The following ABLIM2 variants were observed in gnomAD, a reference collection of about 807,000 sequenced individuals.
ABLIM2 encodes actin binding LIM protein family member 2, also known as actin-binding LIM protein 2.
ABLIM2 carries 53 observed loss-of-function variants against 97.7 expected under a neutral mutation model. The ratio of observed to expected loss-of-function variants is 0.54; its 90% CI spans 0.44 to 0.68. The LOEUF (loss-of-function observed/expected upper bound fraction) is 0.68, where lower values mean the gene tolerates loss of function less well. Ranked by LOEUF, ABLIM2 falls within the 30% of genes least tolerant of loss-of-function variation. The probability of loss-of-function intolerance (pLI) is 0.00; values close to 1 mark genes in which losing one functional copy is unlikely to be tolerated. For synonymous variants in ABLIM2, 361 were observed against 345.8 expected, an observed-to-expected ratio of 1.04 and a Z score of -0.49; for missense variants, 835 against 867.2, an observed-to-expected ratio of 0.96 and a Z score of 0.47.
rs1435511677 is a variant in ABLIM2 at position 8,044,046 on chromosome 4, C to T, written c.900+1118G>A. Reference sequence around the variant, plus strand: ...ATGGTAACTGAGGACTCGTGCACCCCTCAGTGGCACTGTCAGGATTAAGGT... The same window carrying T: ...ATGGTAACTGAGGACTCGTGCACCCTTCAGTGGCACTGTCAGGATTAAGGT... On this transcript the variant is annotated intron_variant, in intron 9 of 20. Transcript: ENST00000447017. The surrounding 1 kb of genome is among the most constrained non-coding windows in gnomAD (Gnocchi z 4.4). Among the ~76,000 whole-genome samples the T allele has an allele frequency of 6.6e-6, 1 of 152,220 alleles. No individual in the cohort carries two copies. Among genetic ancestry groups the T allele is most frequent in the Admixed American group, 6.5e-5 (1 of 15,290 alleles).
chr4:7,966,810 ACTACCGGC>A lies in ABLIM2; in HGVS notation c.*172_*179del. On this transcript the variant is annotated 3_prime_UTR_variant, in exon 21 of 21. Transcript: ENST00000447017. ...GTGAAGCTAGCCGTCTCGGCCCTAA[ACTACCGGC>A]AGGAGTGTCGCCGGCAGGTGCAGGG... The A allele has an allele frequency of 1.7e-6, 1 of 580,566 alleles. No homozygotes were observed. Among genetic ancestry groups the A allele is most frequent in the South Asian group, 2.2e-5 (1 of 45,376 alleles). The allele number at this position is 580,566 out of a possible 1,614,324, so 36.0% of individuals were successfully genotyped here.
chr4:8,080,899 G>T (rs950356594), intron 4 of ABLIM2, 97 bp from the exon 5 acceptor site: 82 of 1,460,164 alleles, frequency 5.6e-5, no homozygotes, highest in Non-Finnish European at 7.5e-5. Context: ...CCCTGGGGCA[G>T]CCGGGAGGGG....
chr4:8,158,701 C>T lies in ABLIM2; in HGVS notation c.-12G>A, dbSNP rs1163040392. The T allele has an allele frequency of 3.5e-5, 51 of 1,459,294 alleles. No individual in the cohort carries two copies. The highest frequency in any genetic ancestry group is 4.4e-5 in the Non-Finnish European group (49 of 1,107,420). 90.4% of individuals were successfully genotyped at this position (1,459,294 alleles called of 1,614,324 possible). A position where few individuals can be genotyped will look rare whatever the true frequency, so the allele number is the denominator to read the frequency against. The stretch of plus-strand genomic sequence containing the variant: ...CCACCTGCACTCATCTCAGCAGCCG[C>T]TCGGAGTCGGGGCGGCCCGGCGCTG... On this transcript the variant is annotated 5_prime_UTR_variant, in exon 1 of 21. Coordinates refer to ENST00000447017, the MANE Select transcript of ABLIM2 (RefSeq NM_001130083.2).
At chr4:8,154,178 G>T (rs1412872714) in intron 1 of ABLIM2, among the ~76,000 whole-genome samples, 2 of 151,364 alleles carry the variant, frequency 1.3e-5, no homozygotes, top group Non-Finnish European at 2.9e-5. Flanking sequence ...TAGCCAGGAT[G>T]GTCTCCATCT....
intron 9 of ABLIM2, among the ~76,000 whole-genome samples, chr4:8,037,536 GCTCA>G: frequency 6.6e-6 from 1 of 151,372 alleles, no homozygotes; most frequent in Non-Finnish European, 1.5e-5. Context: ...CAGGCCCATG[GCTCA>G]CTCACACACA....
At position 8,082,065 on chromosome 4, in the gene ABLIM2, T is replaced by A. The variant is rs1436275401; in HGVS notation, c.455-1263A>T. Among the ~76,000 whole-genome samples the A allele has an allele frequency of 6.6e-6, 1 of 152,072 alleles. No individual in the cohort carries two copies. The highest frequency in any genetic ancestry group is 1.5e-5 in the Non-Finnish European group (1 of 68,000). On this transcript the variant is annotated intron_variant, in intron 4 of 20. Transcript: ENST00000447017. The surrounding 1 kb of genome is among the most constrained non-coding windows in gnomAD (Gnocchi z 5.6). ...TGTGTTTAAGGGTGTGGTTGTGTGT[T>A]GGGGGCATGACAAGGGAAGGGCCTC...
intron 2 of ABLIM2, 77 bp from the exon 3 acceptor site, chr4:8,097,359 C>A (rs1370074672): frequency 2.0e-6 from 3 of 1,490,666 alleles, no homozygotes; most frequent in African/African-American, 1.4e-5. Context: ...GGTGCACCCC[C>A]CTCCACACAC....
chr4:8,106,420 G>A, intron 2 of ABLIM2, 74 bp downstream of exon 2: 20 of 1,546,632 alleles, frequency 1.3e-5, no homozygotes, highest in Non-Finnish European at 1.7e-5. Flanking sequence ...TTCCCAGGAG[G>A]CTTTGCGGGC....
chr4:8,019,069 C>T lies in ABLIM2; in HGVS notation c.1423+549G>A, dbSNP rs1180161610. ...AGCTGCTCCCTGCGCACCTCCCAGG[C>T]AGGTTCACGTGGAGCAGAGCTGGGC... On this transcript the variant is annotated intron_variant, in intron 14 of 20. Coordinates refer to ENST00000447017, the MANE Select transcript of ABLIM2 (RefSeq NM_001130083.2). The surrounding 1 kb of genome is among the most constrained non-coding windows in gnomAD (Gnocchi z 4.3). Among the ~76,000 whole-genome samples, 2 of 152,194 alleles carry T rather than the reference C, an allele frequency of 1.3e-5. No individual in the cohort carries two copies. Among genetic ancestry groups the T allele is most frequent in the South Asian group, 2.1e-4 (1 of 4,828 alleles).
chr4:7,973,371 C>T (rs1169785241), intron 20 of ABLIM2, among the ~76,000 whole-genome samples: 5 of 150,988 alleles, frequency 3.3e-5, no homozygotes, highest in Admixed American at 2.6e-4. Flanking sequence ...CGTGGTGGTA[C>T]ATGCCTGTAG....
At chr4:8,151,894 AG>A (rs1712971959) in intron 1 of ABLIM2, among the ~76,000 whole-genome samples, 1 of 150,062 alleles carries the variant, frequency 6.7e-6, no homozygotes, top group South Asian at 2.1e-4. Flanking sequence ...TCAGGGTTCC[AG>A]GGGGGCACAT....
chr4:8,006,117 G>T (rs556817283), intron 16 of ABLIM2, among the ~76,000 whole-genome samples: 2 of 152,222 alleles, frequency 1.3e-5, no homozygotes, highest in Non-Finnish European at 2.9e-5. Flanking sequence ...CACCAGGCTC[G>T]TGTTCTCCTG....
chr4:8,128,171 C>T lies in ABLIM2; in HGVS notation c.11-21534G>A, dbSNP rs1403226095. Among the ~76,000 whole-genome samples the T allele has an allele frequency of 2.0e-5, 3 of 152,186 alleles. No homozygotes were observed. The highest frequency in any genetic ancestry group is 7.2e-5 in the African/African-American group (3 of 41,446). ...GCTCCTGTTTCTGCCCCCACCTTCA[C>T]AGGCCGTCTTCCCTGTGTGTCTCTG... On this transcript the variant is annotated intron_variant, in intron 1 of 20. Coordinates refer to ENST00000447017, the MANE Select transcript of ABLIM2 (RefSeq NM_001130083.2). This position sits in a 1 kb window ranked among gnomAD's most constrained non-coding sequence, Gnocchi z 4.9.
At chr4:8,057,640 G>A (rs940152841) in intron 7 of ABLIM2, among the ~76,000 whole-genome samples, 1 of 152,198 alleles carries the variant, frequency 6.6e-6, no homozygotes, top group East Asian at 1.9e-4. Flanking sequence ...GTGGGAAAAA[G>A]GAGTATCTCA....
In ABLIM2 at chr4:8,132,010, C is replaced by T. The variant is rs1326697810; in HGVS notation, c.11-25373G>A. On this transcript the variant is annotated intron_variant, in intron 1 of 20. Coordinates refer to ENST00000447017, the MANE Select transcript of ABLIM2 (RefSeq NM_001130083.2). This position sits in a 1 kb window ranked among gnomAD's most constrained non-coding sequence, Gnocchi z 8.0. The stretch of plus-strand genomic sequence containing the variant: ...CCCGCATCCCCTGCACAGCAGCCCG[C>T]ATCCCCTGCACGGCAGCCTGCATCC... Among the ~76,000 whole-genome samples the T allele has an allele frequency of 1.3e-5, 2 of 152,060 alleles. No individual in the cohort carries two copies. The highest frequency in any genetic ancestry group is 4.8e-5 in the African/African-American group (2 of 41,394).
rs115629752 is a variant in ABLIM2 at position 7,989,919 on chromosome 4, C to T, written c.1680+2947G>A. Among the ~76,000 whole-genome samples, 623 of 152,294 alleles carry T rather than the reference C, an allele frequency of 4.1e-3. 3 individuals carry two copies. The highest frequency in any genetic ancestry group is 0.013 in the African/African-American group (542 of 41,566). Reference sequence around the variant, plus strand: ...GAGAAGCAGCAGGCCTCTGTTGCTCCATTCACTTCAAGGGTAGGTTATGAG... The same window carrying T: ...GAGAAGCAGCAGGCCTCTGTTGCTCTATTCACTTCAAGGGTAGGTTATGAG... On this transcript the variant is annotated intron_variant, in intron 17 of 20. Transcript: ENST00000447017.
intron 7 of ABLIM2, among the ~76,000 whole-genome samples, chr4:8,057,556 G>C (rs1225373368): frequency 6.6e-6 from 1 of 152,166 alleles, no homozygotes; most frequent in African/African-American, 2.4e-5. Flanking sequence ...GCCCCTACTA[G>C]CTGCATAAGA....
At position 8,049,949 on chromosome 4, in the gene ABLIM2, A is replaced by G. The variant is rs1200444984; in HGVS notation, c.822+4239T>C. Among the ~76,000 whole-genome samples, 10 of 152,240 alleles carry G rather than the reference A, an allele frequency of 6.6e-5. No individual in the cohort carries two copies. In the East Asian group the frequency reaches 1.9e-3, roughly 29 times the overall value. ...CACCATGTTGGCCAGGCTGGTCTCG[A>G]ACTCCTGACCTCAAATGATCCACCA... is the stretch of plus-strand genomic sequence containing the variant. On this transcript the variant is annotated intron_variant, in intron 8 of 20. Coordinates refer to ENST00000447017, the MANE Select transcript of ABLIM2 (RefSeq NM_001130083.2).
In ABLIM2 at chr4:8,043,735, G is replaced by A. The variant is rs536705501; in HGVS notation, c.900+1429C>T. Among the ~76,000 whole-genome samples, 118 of 152,318 alleles carry A rather than the reference G, an allele frequency of 7.7e-4. No individual in the cohort carries two copies. Among genetic ancestry groups the A allele is most frequent in the Middle Eastern group, 3.4e-3 (1 of 294 alleles). On this transcript the variant is annotated intron_variant, in intron 9 of 20. Transcript: ENST00000447017. The surrounding 1 kb of genome is among the most constrained non-coding windows in gnomAD (Gnocchi z 4.8). Reference sequence around the variant, plus strand: ...TTATTTCTGTTGTTCAAGCCCCCAGGAGGCTGACACAGATGATGGTAACAG... The same window carrying A: ...TTATTTCTGTTGTTCAAGCCCCCAGAAGGCTGACACAGATGATGGTAACAG...
Sources: gnomAD v4.1 joint callset for allele counts (sites outside exome capture counted in the v4.1 genomes callset) on GRCh38, gnomAD v4.1.1 for gene constraint, Gnocchi (gnomAD v3.1) non-coding constraint, MANE v1.5 for transcripts, NCBI Gene and HGNC (gene_info 2026-07-23, HGNC 2026-07-21) for gene names.